Variants in RBM19 observed in about 807,000 individuals in gnomAD.
RBM19 encodes probable RNA-binding protein 19.
A neutral mutation model predicts 116.8 loss-of-function variants in RBM19; 94 were observed. The ratio of observed to expected loss-of-function variants is 0.80; its 90% CI spans 0.68 to 0.95. RBM19 has a LOEUF of 0.95. Among genes scored for constraint, RBM19 ranks in the 40% least tolerant of loss-of-function variants. RBM19 has a pLI of 0.00. For synonymous variants in RBM19, 475 were observed against 494.1 expected, an observed-to-expected ratio of 0.96 and a Z score of 0.51; for missense variants, 1,161 against 1,220.7, an observed-to-expected ratio of 0.95 and a Z score of 0.73.
At chr12:113,947,565 G>C (rs1295884185) in intron 10 of RBM19, 101 bp from the exon 11 acceptor site, 1 of 1,322,658 alleles carries the variant, frequency 7.6e-7, no homozygotes, top group Non-Finnish European at 1.0e-6. Context: ...ACAGGTCATG[G>C]GTGTCATTTC....
chr12:113,891,291 C>G (rs1880947745), intron 21 of RBM19, among the ~76,000 whole-genome samples: 1 of 152,222 alleles, frequency 6.6e-6, no homozygotes, highest in Non-Finnish European at 1.5e-5. Context: ...CCAACTCTCT[C>G]TTGCTCAAAC....
intron 21 of RBM19, among the ~76,000 whole-genome samples, chr12:113,895,776 C>T (rs1881277219): frequency 6.6e-6 from 1 of 151,176 alleles, no homozygotes; most frequent in African/African-American, 2.4e-5. Context: ...AATTGTGCAA[C>T]TACATTTTTT....
At chr12:113,886,601 T>C (rs1880532563) in intron 21 of RBM19, among the ~76,000 whole-genome samples, 2 of 152,272 alleles carry the variant, frequency 1.3e-5, no homozygotes. Context: ...ACCATGGACC[T>C]TGCAACTGTG....
chr12:113,821,362 G>A (rs1220367623), downstream of RBM19, among the ~76,000 whole-genome samples: 1 of 152,158 alleles, frequency 6.6e-6, no homozygotes, highest in African/African-American at 2.4e-5. Flanking sequence ...GTGTGGAAAT[G>A]TGAGTACAAA....
Position 113,825,778 on chromosome 12 carries a change from C to T in RBM19, c.2786-2457G>A, listed in dbSNP as rs1021773820. ...AGCTGGACTTGGGGTGCTTCTTCCC[C>T]ATGCTCCTGCACCCCTGGGCCGTGC... On this transcript the variant is annotated intron_variant, in intron 23 of 23. Transcript: ENST00000261741. This position sits in a 1 kb window ranked among gnomAD's most constrained non-coding sequence, Gnocchi z 5.7. Among the ~76,000 whole-genome samples the T allele has an allele frequency of 2.0e-5, 3 of 152,184 alleles. No homozygotes were observed. Among genetic ancestry groups the T allele is most frequent in the Non-Finnish European group, 4.4e-5 (3 of 68,026 alleles).
At chr12:113,914,491 C>T (rs533957316) in intron 21 of RBM19, among the ~76,000 whole-genome samples, 1 of 152,340 alleles carries the variant, frequency 6.6e-6, no homozygotes, top group South Asian at 2.1e-4. Flanking sequence ...GTCTAGACCC[C>T]ACTGTTGAAA....
chr12:113,934,941 G>A (rs907577339), intron 16 of RBM19, among the ~76,000 whole-genome samples: 8 of 152,290 alleles, frequency 5.3e-5, no homozygotes, highest in African/African-American at 9.6e-5. Context: ...CCTGTGAACC[G>A]AGCTTCCCTA....
chr12:113,819,511 C>G (rs963563563), downstream of RBM19, among the ~76,000 whole-genome samples: 1 of 152,212 alleles, frequency 6.6e-6, no homozygotes, highest in African/African-American at 2.4e-5. Flanking sequence ...GGAGGCTCAC[C>G]GCCCTGGAGG....
rs934977072 is a variant in RBM19 at position 113,926,956 on chromosome 12, C to G, written c.2244+98G>C. ...TATTGCTCCCAAGTGCATATTAACA[C>G]GCATCATGTTTCAGGGCAGAATAAA... On this transcript the variant is annotated intron_variant, in intron 17 of 23. Coordinates refer to ENST00000261741, the MANE Select transcript of RBM19 (RefSeq NM_016196.4). The G allele has an allele frequency of 2.2e-6, 3 of 1,350,306 alleles. No individual in the cohort carries two copies. The African/African-American group carries it at 4.4e-5, about 20-fold the overall frequency. 83.6% of individuals were successfully genotyped at this position (1,350,306 alleles called of 1,614,324 possible). A position where few individuals can be genotyped will look rare whatever the true frequency, so the allele number is the denominator to read the frequency against.
Position 113,952,605 on chromosome 12 carries a change from T to G in RBM19, c.922-15A>C. 6.2e-7 allele frequency: 1 copy of G among 1,606,242 alleles called. No individual in the cohort carries two copies. ...ATAACATTTTTCTGTGAGAAGAAGT[T>G]TTTTTCCCCTTACCAACCACATAAT... On this transcript the variant is annotated splice_polypyrimidine_tract_variant and intron_variant, in intron 7 of 23. Coordinates refer to ENST00000261741, the MANE Select transcript of RBM19 (RefSeq NM_016196.4).
Position 113,903,340 on chromosome 12 carries a change from T to C in RBM19, c.2558+11629A>G, listed in dbSNP as rs1429217950. Among the ~76,000 whole-genome samples the C allele has an allele frequency of 6.6e-6, 1 of 152,224 alleles. No individual in the cohort carries two copies. Among genetic ancestry groups the C allele is most frequent in the Non-Finnish European group, 1.5e-5 (1 of 68,042 alleles). ...GCATCATGTTTTCAAATCCACGTTA[T>C]CAGTAGTCCATTCCTATTTATGGCC... On this transcript the variant is annotated intron_variant, in intron 21 of 23. Coordinates refer to ENST00000261741, the MANE Select transcript of RBM19 (RefSeq NM_016196.4). The surrounding 1 kb of genome is among the most constrained non-coding windows in gnomAD (Gnocchi z 5.1).
chr12:113,913,180 CTG>C (rs767417565), intron 21 of RBM19, among the ~76,000 whole-genome samples: 7 of 152,140 alleles, frequency 4.6e-5, no homozygotes, highest in Non-Finnish European at 1.0e-4. Flanking sequence ...CCAAGTGAAA[CTG>C]TCATTTCAGC....
chr12:113,943,159 C>T (rs559878541), intron 13 of RBM19, among the ~76,000 whole-genome samples: 1 of 152,328 alleles, frequency 6.6e-6, no homozygotes, highest in Non-Finnish European at 1.5e-5. Context: ...CACCCTATCC[C>T]TCCCTTGGCT....
At chr12:113,826,746 C>T (rs1436374945) in intron 23 of RBM19, among the ~76,000 whole-genome samples, 1 of 152,150 alleles carries the variant, frequency 6.6e-6, no homozygotes, top group African/African-American at 2.4e-5. Context: ...CTGGCTCAGT[C>T]GATGGTGCTG....
intron 23 of RBM19, among the ~76,000 whole-genome samples, chr12:113,839,922 TC>T (rs985057267): frequency 4.6e-5 from 7 of 152,158 alleles, no homozygotes; most frequent in African/African-American, 1.7e-4. Context: ...AGCTGGTGGT[TC>T]CTAAACCTTT....
chr12:113,830,987 G>C (rs535953761), intron 23 of RBM19, among the ~76,000 whole-genome samples: 1 of 152,142 alleles, frequency 6.6e-6, no homozygotes, highest in Non-Finnish European at 1.5e-5. Context: ...CCAGGGGGTC[G>C]GGGGAGACTA....
At position 113,951,960 on chromosome 12, in the gene RBM19, A is replaced by G. The variant is rs894944106; in HGVS notation, c.1000+552T>C. Reference sequence around the variant, plus strand: ...TAGCAAGTCAGCTGCTGAATCTCCCAGTGTCCTGGCCAGCAAGAAGTAGGC... The same window carrying G: ...TAGCAAGTCAGCTGCTGAATCTCCCGGTGTCCTGGCCAGCAAGAAGTAGGC... On this transcript the variant is annotated intron_variant, in intron 8 of 23. Coordinates refer to ENST00000261741, the MANE Select transcript of RBM19 (RefSeq NM_016196.4). 7.2e-5 allele frequency among the ~76,000 whole-genome samples: 11 copies of G among 152,314 alleles called. No homozygotes were observed. The South Asian group carries it at 2.3e-3, about 32-fold the overall frequency.
chr12:113,819,828 AATG>A (rs1470721755), downstream of RBM19, among the ~76,000 whole-genome samples: 3 of 152,230 alleles, frequency 2.0e-5, no homozygotes, highest in East Asian at 1.9e-4. Context: ...GGGCCAGGCA[AATG>A]ACTTTTCCCG....
In RBM19 at chr12:113,825,658, AC is replaced by A. The variant is rs1316639206; in HGVS notation, c.2786-2338del. Among the ~76,000 whole-genome samples, 1 of 151,854 alleles carries A rather than the reference AC, an allele frequency of 6.6e-6. No individual in the cohort carries two copies. Among genetic ancestry groups the A allele is most frequent in the African/African-American group, 2.4e-5 (1 of 41,316 alleles). On this transcript the variant is annotated intron_variant, in intron 23 of 23. Transcript: ENST00000261741. The surrounding 1 kb of genome is among the most constrained non-coding windows in gnomAD (Gnocchi z 5.7). ...GGATGGCCAGCGGTGGCGGCATGGG[AC>A]TTTTTCTTCTCTCCCACATCCTGAC...
Sources: gnomAD v4.1 joint callset for allele counts (sites outside exome capture counted in the v4.1 genomes callset) on GRCh38, gnomAD v4.1.1 for gene constraint, Gnocchi (gnomAD v3.1) non-coding constraint, MANE v1.5 for transcripts, NCBI Gene and HGNC (gene_info 2026-07-23, HGNC 2026-07-21) for gene names.